Variants in CALN1 observed in about 807,000 individuals in gnomAD.
CALN1 encodes the protein calneuron 1.
In CALN1, 17 loss-of-function variants were observed where a neutral mutation model predicts 30.6. The observed-to-expected ratio is 0.56, with a 90% CI of 0.38 to 0.83. The LOEUF is 0.83. CALN1 is among the 40% of genes least tolerant of loss of function. The pLI is 0.00. For missense variants in CALN1, 291 were observed against 354.9 expected (o/e 0.82, Z 1.45); for synonymous variants, 156 against 131.4 (o/e 1.19, Z -1.28).
At chr7:72,178,011 T>G (rs966931225) in intron 3 of CALN1, among the ~76,000 whole-genome samples, 3 of 152,082 alleles carry the variant, frequency 2.0e-5, no homozygotes, top group Non-Finnish European at 4.4e-5. Context: ...TTGGTAGAAG[T>G]TGAATCTGAG....
intron 2 of CALN1, among the ~76,000 whole-genome samples, chr7:72,400,414 T>C (rs1235323285): frequency 2.0e-5 from 3 of 152,220 alleles, no homozygotes; most frequent in Non-Finnish European, 4.4e-5. Context: ...GAGACTTAGC[T>C]TTCTCAGATT....
intron 1 of CALN1, among the ~76,000 whole-genome samples, chr7:72,408,065 TTGG>T (rs1012875743): frequency 7.2e-5 from 11 of 152,070 alleles, no homozygotes; most frequent in African/African-American, 2.7e-4. Flanking sequence ...CTTGAAATAA[TTGG>T]TGTTCAATAA....
At chr7:72,044,453 C>T (rs989024988) in intron 4 of CALN1, among the ~76,000 whole-genome samples, 2 of 152,024 alleles carry the variant, frequency 1.3e-5, no homozygotes, top group African/African-American at 4.8e-5. Flanking sequence ...CTCCTATACA[C>T]ACACCTCTCT....
chr7:72,290,973 G>T (rs1158447580), intron 2 of CALN1, among the ~76,000 whole-genome samples: 2 of 150,972 alleles, frequency 1.3e-5, no homozygotes, highest in African/African-American at 4.9e-5. Context: ...ATCCAGGCTG[G>T]AGTGTAGTGG....
chr7:72,045,413 T>G lies in CALN1; in HGVS notation c.389-21644A>C, dbSNP rs1802402803. Among the ~76,000 whole-genome samples, 4 of 152,298 alleles carry G rather than the reference T, an allele frequency of 2.6e-5. No homozygotes were observed. In the South Asian group the frequency reaches 6.2e-4, roughly 24 times the overall value. On this transcript the variant is annotated intron_variant, in intron 4 of 6. Transcript: ENST00000395275. ...CTCTCCCTTCCTGGTGCCTCTGTTT[T>G]GATCTTGAATTGCAGGAACAACCCC...
rs764276435 is a variant in CALN1, at chr7:72,247,227, CTTTTTTTTTTTTT to C, written c.244+31446_244+31458del. 5.9e-3 allele frequency among the ~76,000 whole-genome samples: 457 copies of C among 77,722 alleles called. 30 individuals are homozygous for C. Among genetic ancestry groups the C allele is most frequent in the African/African-American group, 0.023 (426 of 18,192 alleles). 51.0% of individuals were successfully genotyped at this position (77,722 alleles called of 152,430 possible). A position where few individuals can be genotyped will look rare whatever the true frequency, so the allele number is the denominator to read the frequency against. On this transcript the variant is annotated intron_variant, in intron 3 of 6. Coordinates refer to ENST00000395275, the MANE Select transcript of CALN1 (RefSeq NM_031468.4). ...GGGTTTTCAACAGACCATTTTCTTT[CTTTTTTTTTTTTT>C]TTTTTTTTTTTTTTTTTTTTTTTTT...
intron 2 of CALN1, among the ~76,000 whole-genome samples, chr7:72,389,946 A>T (rs1401787105): frequency 6.7e-6 from 1 of 149,406 alleles, no homozygotes; most frequent in Non-Finnish European, 1.5e-5. Flanking sequence ...AAAAGAAGAA[A>T]GAAAAGAAAA....
At chr7:71,839,328 T>TA (rs1180395332) in intron 5 of CALN1, among the ~76,000 whole-genome samples, 1 of 152,074 alleles carries the variant, frequency 6.6e-6, no homozygotes, top group Non-Finnish European at 1.5e-5. Context: ...TGTCAGGAGT[T>TA]AGAGACCAGC....
rs537499884 is a variant in CALN1, at chr7:72,365,189, C to T, written c.119+38062G>A. ...GCCTGGTGGCATATGACTGTAATCC[C>T]ACCTACTCGGGAGGCTGAGGCAGGA... is the stretch of plus-strand genomic sequence containing the variant. On this transcript the variant is annotated intron_variant, in intron 2 of 6. Transcript: ENST00000395275. Among the ~76,000 whole-genome samples, 77 of 152,092 alleles carry T rather than the reference C, an allele frequency of 5.1e-4. 1 individual carries two copies. The highest frequency in any genetic ancestry group is 1.8e-3 in the African/African-American group (74 of 41,412).
chr7:72,019,439 C>A (rs1055504096), intron 5 of CALN1, among the ~76,000 whole-genome samples: 2 of 152,142 alleles, frequency 1.3e-5, no homozygotes, highest in Admixed American at 1.3e-4. Context: ...ACCTGTGTAA[C>A]CAAGAGAATA....
chr7:72,435,285 G>C (rs539321020), intron 1 of CALN1, among the ~76,000 whole-genome samples: 2 of 151,950 alleles, frequency 1.3e-5, no homozygotes, highest in South Asian at 4.2e-4. Context: ...GAAGGGGAAG[G>C]GGAAGGGGAA....
At chr7:72,469,693 C>A in the CALN1 span, among the ~76,000 whole-genome samples, 3 of 152,312 alleles carry the variant, frequency 2.0e-5, no homozygotes, top group Middle Eastern at 3.4e-3. Flanking sequence ...GCCACCGCAC[C>A]CAGCCGGTTT....
chr7:71,810,540 G>C (rs752950177), intron 5 of CALN1, 48 bp from the exon 6 acceptor site: 26 of 1,590,142 alleles, frequency 1.6e-5, no homozygotes, highest in Non-Finnish European at 6.9e-6. Flanking sequence ...GTGGAGATGG[G>C]AAGTTGGCTC....
In CALN1 at chr7:71,938,380, G is replaced by A. The variant is rs984373181; in HGVS notation, c.501+85277C>T. Among the ~76,000 whole-genome samples, 49 of 152,200 alleles carry A rather than the reference G, an allele frequency of 3.2e-4. 1 individual carries two copies. The highest frequency in any genetic ancestry group is 7.3e-5 in the Non-Finnish European group (5 of 68,038). ...TCAACAAATGAATAAAGTGAAGTCA[G>A]TAGGAAGATCAGGGAAAGGTCAGTT... On this transcript the variant is annotated intron_variant, in intron 5 of 6. Coordinates refer to ENST00000395275, the MANE Select transcript of CALN1 (RefSeq NM_031468.4).
intron 2 of CALN1, among the ~76,000 whole-genome samples, chr7:72,279,639 T>C (rs779763081): frequency 2.0e-5 from 3 of 151,862 alleles, no homozygotes; most frequent in Non-Finnish European, 4.4e-5. Context: ...AAAAAAGAGA[T>C]GTGAGATAAA....
chr7:72,395,087 G>T lies in CALN1; in HGVS notation c.119+8164C>A, dbSNP rs908028045. 2.0e-5 allele frequency among the ~76,000 whole-genome samples: 3 copies of T among 152,252 alleles called. No individual in the cohort carries two copies. The South Asian group carries it at 6.2e-4, about 32-fold the overall frequency. On this transcript the variant is annotated intron_variant, in intron 2 of 6. Transcript: ENST00000395275. ...TGTATCCTAACACATAAACTCTATG[G>T]TAAGTACTAACCTACCTCCCCAAGA...
chr7:71,890,746 C>CTTTTTT (rs10690153), intron 5 of CALN1, among the ~76,000 whole-genome samples: 11 of 123,222 alleles, frequency 8.9e-5, no homozygotes, highest in Non-Finnish European at 1.8e-4. Context: ...TGTTTTCTAG[C>CTTTTTT]TTTTTTTTTT....
chr7:72,257,725 C>A (rs1796006792), intron 3 of CALN1, among the ~76,000 whole-genome samples: 1 of 152,206 alleles, frequency 6.6e-6, no homozygotes, highest in African/African-American at 2.4e-5. Flanking sequence ...GCCCATCAAC[C>A]AACGAGTGGA....
chr7:72,309,312 C>T (rs1291959603), intron 2 of CALN1, among the ~76,000 whole-genome samples: 1 of 152,146 alleles, frequency 6.6e-6, no homozygotes, highest in African/African-American at 2.4e-5. Context: ...TGAGCCAGGG[C>T]CTCCACTCTT....
Sources: allele counts gnomAD v4.1 joint callset (sites outside exome capture counted in the v4.1 genomes callset), GRCh38; gene constraint gnomAD v4.1.1; transcripts MANE v1.5; gene names NCBI Gene and HGNC (gene_info 2026-07-23, HGNC 2026-07-21).